The following LHFPL3 variants were observed in gnomAD, a reference collection of about 807,000 sequenced individuals.
The protein encoded by LHFPL3 is LHFPL tetraspan subfamily member 3 protein.
A neutral mutation model predicts 19.3 loss-of-function variants in LHFPL3; 5 were observed. That is an observed-to-expected ratio of 0.26 (90% confidence interval 0.14 to 0.54). The LOEUF (loss-of-function observed/expected upper bound fraction) is 0.54, where lower values mean the gene tolerates loss of function less well. LHFPL3 is among the 20% of genes least tolerant of loss of function. The pLI, the probability that LHFPL3 is intolerant of heterozygous loss-of-function variation, is 0.94. For synonymous variants in LHFPL3, 133 were observed against 126.2 expected, an observed-to-expected ratio of 1.05 and a Z score of -0.36; for missense variants, 249 against 307.4, an observed-to-expected ratio of 0.81 and a Z score of 1.42.
intron 1 of LHFPL3, among the ~76,000 whole-genome samples, chr7:104,468,646 T>TCTTGTATA (rs1792840217): frequency 1.4e-5 from 2 of 146,646 alleles, no homozygotes; most frequent in African/African-American, 2.5e-5. Context: ...AGTAGAAAGG[T>TCTTGTATA]CTTGTATAAA....
intron 1 of LHFPL3, among the ~76,000 whole-genome samples, chr7:104,468,955 G>A (rs182343633): frequency 1.2e-3 from 182 of 152,208 alleles, no homozygotes; most frequent in African/African-American, 3.8e-3. Flanking sequence ...CACAATGCAC[G>A]GCCTTGTGCA....
intron 2 of LHFPL3, among the ~76,000 whole-genome samples, chr7:104,784,668 A>G (rs1789875814): frequency 6.6e-6 from 1 of 152,248 alleles, no homozygotes; most frequent in African/African-American, 2.4e-5. Context: ...TCACTGCAGC[A>G]TTATATTCAC....
chr7:104,571,940 T>TA (rs1378726368), intron 1 of LHFPL3, among the ~76,000 whole-genome samples: 1 of 152,198 alleles, frequency 6.6e-6, no homozygotes, highest in African/African-American at 2.4e-5. Flanking sequence ...TTTAAGTATG[T>TA]AAAGTAGAAT....
rs2385241 is a variant in LHFPL3 at position 104,592,709 on chromosome 7, C to G, written c.446-143966C>G. Among the ~76,000 whole-genome samples, 904 of 152,264 alleles carry G rather than the reference C, an allele frequency of 5.9e-3. 18 individuals are homozygous for G. Among genetic ancestry groups the G allele is most frequent in the Admixed American group, 0.039 (598 of 15,296 alleles). ...TATGCCCTGCCCCCAGAGGTGGAGT[C>G]TACAGAGGCAGGCCGGCCTCCTTGA... is the stretch of plus-strand genomic sequence containing the variant. On this transcript the variant is annotated intron_variant, in intron 1 of 2. Coordinates refer to ENST00000424859, the MANE Select transcript of LHFPL3 (RefSeq NM_199000.3).
At chr7:104,470,566 C>T (rs371990719) in intron 1 of LHFPL3, among the ~76,000 whole-genome samples, 17 of 152,194 alleles carry the variant, frequency 1.1e-4, no homozygotes, top group Non-Finnish European at 8.8e-5. Flanking sequence ...TCTGTGCAAA[C>T]GCTGACAGCT....
intron 1 of LHFPL3, among the ~76,000 whole-genome samples, chr7:104,699,473 C>T (rs1023061444): frequency 4.6e-5 from 7 of 152,128 alleles, no homozygotes; most frequent in Admixed American, 3.3e-4. Flanking sequence ...ATTCCTATTA[C>T]GTGCGGTTCC....
intron 2 of LHFPL3, among the ~76,000 whole-genome samples, chr7:104,848,659 G>GA (rs888742698): frequency 6.8e-5 from 10 of 147,336 alleles, no homozygotes; most frequent in African/African-American, 2.5e-4. Flanking sequence ...AGGAGAAGGG[G>GA]AAAGGAGGAG....
chr7:104,667,898 T>C (rs1260614100), intron 1 of LHFPL3: 3 of 1,612,686 alleles, frequency 1.9e-6, no homozygotes, highest in Non-Finnish European at 2.5e-6. Flanking sequence ...TGGAAGGAGA[T>C]GTTTCTACAA....
intron 1 of LHFPL3, among the ~76,000 whole-genome samples, chr7:104,521,788 G>T (rs1311992669): frequency 6.6e-6 from 1 of 152,186 alleles, no homozygotes; most frequent in Non-Finnish European, 1.5e-5. Context: ...ATGAAAAAAT[G>T]CTCACCATCA....
At chr7:104,621,917 C>T (rs1475351520) in intron 1 of LHFPL3, among the ~76,000 whole-genome samples, 1 of 152,150 alleles carries the variant, frequency 6.6e-6, no homozygotes, top group Non-Finnish European at 1.5e-5. Flanking sequence ...GTAACTCATA[C>T]TGACACAAAA....
intron 1 of LHFPL3, among the ~76,000 whole-genome samples, chr7:104,335,212 GC>G (rs1234597689): frequency 2.0e-5 from 3 of 152,092 alleles, no homozygotes; most frequent in African/African-American, 7.2e-5. Context: ...GTGAGCTCTT[GC>G]CCCAAAATGC....
At chr7:104,890,582 G>A (rs1005515015) in intron 2 of LHFPL3, among the ~76,000 whole-genome samples, 3 of 152,136 alleles carry the variant, frequency 2.0e-5, no homozygotes, top group Non-Finnish European at 4.4e-5. Flanking sequence ...CCCTCAGTCC[G>A]TTCAGTGGAT....
intron 1 of LHFPL3, among the ~76,000 whole-genome samples, chr7:104,622,520 G>A (rs181201131): frequency 6.6e-6 from 1 of 152,094 alleles, no homozygotes; most frequent in Non-Finnish European, 1.5e-5. Context: ...TTCATAGATT[G>A]TACAATCACC....
At chr7:104,768,061 T>G (rs1010215699) in intron 2 of LHFPL3, among the ~76,000 whole-genome samples, 1 of 151,640 alleles carries the variant, frequency 6.6e-6, no homozygotes, top group Non-Finnish European at 1.5e-5. Flanking sequence ...AGCTACTGAC[T>G]TCTTCCCCAT....
intron 1 of LHFPL3, among the ~76,000 whole-genome samples, chr7:104,577,296 G>A (rs1016824167): frequency 1.3e-5 from 2 of 152,146 alleles, no homozygotes; most frequent in African/African-American, 4.8e-5. Context: ...CAATAGGGGC[G>A]TGTGGAGAAG....
At chr7:104,684,731 C>T (rs967158942) in intron 1 of LHFPL3, among the ~76,000 whole-genome samples, 6 of 152,160 alleles carry the variant, frequency 3.9e-5, no homozygotes, top group African/African-American at 1.4e-4. Context: ...CCCAGGCCCC[C>T]ACGGCTAAGC....
chr7:104,679,845 C>T (rs1272161980), intron 1 of LHFPL3, among the ~76,000 whole-genome samples: 6 of 152,210 alleles, frequency 3.9e-5, no homozygotes. Context: ...GTGGTCTCTT[C>T]ACTCTGAAGG....
At chr7:104,565,080 A>G (rs1340322180) in intron 1 of LHFPL3, among the ~76,000 whole-genome samples, 2 of 152,242 alleles carry the variant, frequency 1.3e-5, no homozygotes, top group African/African-American at 2.4e-5. Context: ...TCATTTTGCA[A>G]TGGCTTAATT....
intron 2 of LHFPL3, among the ~76,000 whole-genome samples, chr7:104,847,293 C>A (rs1215683988): frequency 6.6e-6 from 1 of 152,140 alleles, no homozygotes; most frequent in Non-Finnish European, 1.5e-5. Flanking sequence ...TATTGCTGAC[C>A]AAGTTAACAA....
Sources: gnomAD v4.1 joint callset for allele counts (sites outside exome capture counted in the v4.1 genomes callset) on GRCh38, gnomAD v4.1.1 for gene constraint, MANE v1.5 for transcripts, NCBI Gene and HGNC (gene_info 2026-07-23, HGNC 2026-07-21) for gene names.